PCTP: variants seen among roughly 807,000 people sequenced by gnomAD.
PCTP encodes phosphatidylcholine transfer protein.
Under a neutral mutation model 31.0 loss-of-function variants are expected in PCTP, and 27 were observed. The ratio of observed to expected loss-of-function variants is 0.87; its 90% CI spans 0.64 to 1.20. PCTP has a LOEUF of 1.20. Among genes scored for constraint, PCTP ranks in the 50% most tolerant of loss-of-function variants. The pLI is 0.00. For missense variants in PCTP, 287 were observed against 268.2 expected (o/e 1.07, Z -0.49); for synonymous variants, 108 against 101.2 (o/e 1.07, Z -0.40).
At chr17:55,811,924 C>G (rs1912765356) in intron 3 of PCTP, among the ~76,000 whole-genome samples, 1 of 152,082 alleles carries the variant, frequency 6.6e-6, no homozygotes, top group Non-Finnish European at 1.5e-5. Context: ...GGTGAGTGAC[C>G]CAAACCTGAG....
At chr17:55,791,640 A>T (rs1351750633) in intron 3 of PCTP, among the ~76,000 whole-genome samples, 4 of 151,476 alleles carry the variant, frequency 2.6e-5, no homozygotes, top group African/African-American at 4.9e-5. Context: ...GGCAATCATT[A>T]AAAAGTCAGG....
In PCTP at chr17:55,812,930, C is replaced by T. The variant is rs143493415; in HGVS notation, c.318-9831C>T. The stretch of plus-strand genomic sequence containing the variant: ...GAAGATAATCAGTGATGTGCCTTTC[C>T]GCAGTCATGAGAGTTATCACTCCTC... On this transcript the variant is annotated intron_variant, in intron 3 of 3. Transcript: ENST00000572536. Among the ~76,000 whole-genome samples, 15 of 152,210 alleles carry T rather than the reference C, an allele frequency of 9.9e-5. No individual in the cohort carries two copies. In the East Asian group the frequency reaches 1.7e-3, roughly 18 times the overall value.
intron 3 of PCTP, among the ~76,000 whole-genome samples, chr17:55,807,508 C>T (rs1912612842): frequency 1.3e-5 from 2 of 152,102 alleles, no homozygotes; most frequent in African/African-American, 2.4e-5. Flanking sequence ...TATTTTTCTC[C>T]CTATTCATAG....
downstream of PCTP, among the ~76,000 whole-genome samples, chr17:55,845,857 A>C (rs1156232578): frequency 1.3e-5 from 2 of 149,462 alleles, no homozygotes; most frequent in African/African-American, 5.0e-5. Flanking sequence ...ATGAATTTCA[A>C]ACTTAAGTTG....
chr17:55,770,912 A>G (rs1234384589), intron 2 of PCTP, 194 bp from the exon 3 acceptor site: 4 of 387,106 alleles, frequency 1.0e-5, no homozygotes, highest in East Asian at 4.5e-5. Flanking sequence ...TTTTTTTTAT[A>G]TATAGAGATG....
chr17:55,820,194 TG>T (rs1408949518), intron 3 of PCTP, among the ~76,000 whole-genome samples: 7 of 152,240 alleles, frequency 4.6e-5, no homozygotes, highest in African/African-American at 1.7e-4. Context: ...TAATAACTTT[TG>T]TGCTTCAAAA....
rs142257898 is a variant in PCTP, at chr17:55,797,864, G to T, written c.317+10210G>T. On this transcript the variant is annotated intron_variant, in intron 3 of 3. Coordinates refer to the PCTP transcript ENST00000572536. ...AAATTTACCAGGCATGCAAGGATAT[G>T]AGGTCTAGTTATTAAAAAGCAAAAA... Among the ~76,000 whole-genome samples the T allele has an allele frequency of 4.6e-5, 7 of 152,094 alleles. No homozygotes were observed. In the East Asian group the frequency reaches 1.4e-3, roughly 29 times the overall value.
intron 1 of PCTP, among the ~76,000 whole-genome samples, chr17:55,758,384 G>C (rs1272265067): frequency 6.6e-6 from 1 of 152,182 alleles, no homozygotes; most frequent in East Asian, 1.9e-4. Context: ...CATTTGGGCA[G>C]GCTGGGCTGA....
chr17:55,751,495 A>T, intron 1 of PCTP: 6 of 1,502,478 alleles, frequency 4.0e-6, no homozygotes, highest in Non-Finnish European at 5.3e-6. Flanking sequence ...CCGACGGGGC[A>T]TGTAGTTAGA....
At chr17:55,788,912 T>A (rs548867578) in intron 3 of PCTP, among the ~76,000 whole-genome samples, 1 of 152,272 alleles carries the variant, frequency 6.6e-6, no homozygotes, top group South Asian at 2.1e-4. Context: ...CTCACCTTTT[T>A]CTCCCAGGGT....
intron 3 of PCTP, among the ~76,000 whole-genome samples, chr17:55,817,646 T>C (rs929519206): frequency 1.5e-4 from 23 of 152,164 alleles, no homozygotes; most frequent in Admixed American, 2.6e-4. Flanking sequence ...TGACTGTGAG[T>C]TGTCATGTAC....
At chr17:55,759,557 T>G (rs1305188132) in intron 1 of PCTP, among the ~76,000 whole-genome samples, 1 of 152,214 alleles carries the variant, frequency 6.6e-6, no homozygotes, top group African/African-American at 2.4e-5. Flanking sequence ...CCAAAGTGGA[T>G]GGACTTGGAC....
At chr17:55,790,984 C>G (rs1006675515) in intron 3 of PCTP, among the ~76,000 whole-genome samples, 7 of 151,696 alleles carry the variant, frequency 4.6e-5, no homozygotes, top group African/African-American at 1.7e-4. Flanking sequence ...AGAACAGAGC[C>G]CTCAGAAATA....
intron 1 of PCTP, among the ~76,000 whole-genome samples, chr17:55,752,342 C>G (rs1909760067): frequency 6.6e-6 from 1 of 152,208 alleles, no homozygotes; most frequent in Admixed American, 6.5e-5. Flanking sequence ...CTCTGCCTGT[C>G]TCATTGCAGG....
chr17:55,769,763 T>C (rs1046389995), intron 2 of PCTP: 1 of 152,296 alleles, frequency 6.6e-6, no homozygotes, highest in African/African-American at 2.4e-5. Flanking sequence ...TTCGTCACCA[T>C]GGCCGTGTCT....
At chr17:55,784,167 C>A (rs1465315949) in intron 2 of PCTP, among the ~76,000 whole-genome samples, 1 of 152,128 alleles carries the variant, frequency 6.6e-6, no homozygotes, top group Non-Finnish European at 1.5e-5. Flanking sequence ...AGCAGAGCAG[C>A]TTGGCCAGGG....
intron 2 of PCTP, among the ~76,000 whole-genome samples, chr17:55,782,752 A>G (rs1911605882): frequency 6.6e-6 from 1 of 152,200 alleles, no homozygotes; most frequent in African/African-American, 2.4e-5. Flanking sequence ...GATCCACACA[A>G]GCCTGAAATC....
chr17:55,791,892 A>T (rs1911996909), intron 3 of PCTP, among the ~76,000 whole-genome samples: 1 of 152,094 alleles, frequency 6.6e-6, no homozygotes, highest in Non-Finnish European at 1.5e-5. Context: ...AATAGCAAAG[A>T]CTTGGAACCA....
At chr17:55,771,237 T>G (rs375584008) in intron 3 of PCTP, 52 bp downstream of exon 3, 11 of 1,389,542 alleles carry the variant, frequency 7.9e-6, no homozygotes, top group Non-Finnish European at 1.1e-5. Flanking sequence ...GTTTCTGTGT[T>G]CCTCAGCTGC....
Sources: gnomAD v4.1 joint callset for allele counts (sites outside exome capture counted in the v4.1 genomes callset) on GRCh38, gnomAD v4.1.1 for gene constraint, MANE v1.5 for transcripts, NCBI Gene and HGNC (gene_info 2026-07-23, HGNC 2026-07-21) for gene names.